CNTNAP2: variants seen among roughly 807,000 people sequenced by gnomAD.
The protein encoded by CNTNAP2 is contactin-associated protein-like 2.
Under a neutral mutation model 155.2 loss-of-function variants are expected in CNTNAP2, and 98 were observed. The ratio of observed to expected loss-of-function variants is 0.63; its 90% CI spans 0.54 to 0.75. CNTNAP2 has a LOEUF of 0.75. CNTNAP2 is among the 30% of genes least tolerant of loss of function. The pLI is 0.00. For missense variants in CNTNAP2, 1,727 were observed against 1,688.1 expected (o/e 1.02, Z -0.40); for synonymous variants, 651 against 631.2 (o/e 1.03, Z -0.47).
At chr7:147,291,217 T>C (rs1805302128) in intron 8 of CNTNAP2, among the ~76,000 whole-genome samples, 1 of 152,024 alleles carries the variant, frequency 6.6e-6, no homozygotes, top group African/African-American at 2.4e-5. Flanking sequence ...GTTTGTTATA[T>C]AGCTATACAT....
chr7:146,298,155 AGAC>A (rs1800546080), intron 1 of CNTNAP2, among the ~76,000 whole-genome samples: 1 of 152,192 alleles, frequency 6.6e-6, no homozygotes, highest in Non-Finnish European at 1.5e-5. Flanking sequence ...CAAGAGAAAA[AGAC>A]AGTCTGGGAC....
At chr7:147,824,559 G>T (rs1427579363) in intron 13 of CNTNAP2, among the ~76,000 whole-genome samples, 1 of 152,096 alleles carries the variant, frequency 6.6e-6, no homozygotes, top group Non-Finnish European at 1.5e-5. Flanking sequence ...GTTTTGGCAT[G>T]TCTGTATCGC....
intron 12 of CNTNAP2, among the ~76,000 whole-genome samples, chr7:147,605,503 G>C (rs751313691): frequency 6.6e-6 from 1 of 152,134 alleles, no homozygotes; most frequent in African/African-American, 2.4e-5. Flanking sequence ...TTGTCATGCA[G>C]ATAAAGTCTC....
rs1322093671 is a variant in CNTNAP2, at chr7:146,822,549, T to C, written c.209-17162T>C. Among the ~76,000 whole-genome samples, 4 of 151,208 alleles carry C rather than the reference T, an allele frequency of 2.6e-5. No homozygotes were observed. In the East Asian group the frequency reaches 7.8e-4, roughly 29 times the overall value. ...CTGTTTTTAATAATGCTCGTTGTTT[T>C]GTTCCTACAGTGTCTGAGTATTAAG... On this transcript the variant is annotated intron_variant, in intron 2 of 23. Transcript: ENST00000361727.
chr7:146,452,159 G>A (rs554330048), intron 1 of CNTNAP2, among the ~76,000 whole-genome samples: 13 of 151,728 alleles, frequency 8.6e-5, no homozygotes, highest in African/African-American at 2.7e-4. Context: ...CACCCACCTC[G>A]GCCTCCCAAA....
intron 1 of CNTNAP2, among the ~76,000 whole-genome samples, chr7:146,705,296 C>A (rs1231940956): frequency 2.0e-5 from 3 of 152,112 alleles, no homozygotes; most frequent in African/African-American, 7.2e-5. Context: ...GTATTTCTCA[C>A]AATCCTGATA....
At chr7:147,394,316 C>T (rs1384636826) in intron 9 of CNTNAP2, among the ~76,000 whole-genome samples, 4 of 151,880 alleles carry the variant, frequency 2.6e-5, no homozygotes, top group Non-Finnish European at 4.4e-5. Flanking sequence ...TATAAATTAC[C>T]CAGTCTTGGC....
intron 1 of CNTNAP2, among the ~76,000 whole-genome samples, chr7:146,360,798 C>A (rs10487937): frequency 0.14 from 22,025 of 152,048 alleles, 4,078 homozygotes; most frequent in African/African-American, 0.43. Flanking sequence ...GGATATTCTC[C>A]AGGTGTTTTT....
intron 1 of CNTNAP2, among the ~76,000 whole-genome samples, chr7:146,502,702 C>T (rs1797323522): frequency 6.6e-6 from 1 of 152,134 alleles, no homozygotes; most frequent in Admixed American, 6.6e-5. Context: ...ACCTCTCCCT[C>T]CCAGGTTCAA....
chr7:146,849,961 AG>A (rs1794840252), intron 3 of CNTNAP2, among the ~76,000 whole-genome samples: 1 of 152,204 alleles, frequency 6.6e-6, no homozygotes, highest in Non-Finnish European at 1.5e-5. Flanking sequence ...GACACCGTGA[AG>A]ATACCCATTC....
rs546705365 is a variant in CNTNAP2, at chr7:146,345,853, G to A, written c.97+228880G>A. On this transcript the variant is annotated intron_variant, in intron 1 of 23. Transcript: ENST00000361727. ...GAGGCAGAGGAGCAGGGCAAGAAAC[G>A]GTATGTAAGACACGAACTAGTCACT... is the stretch of plus-strand genomic sequence containing the variant. 1.4e-4 allele frequency among the ~76,000 whole-genome samples: 21 copies of A among 152,192 alleles called. 1 individual carries two copies. The South Asian group carries it at 3.5e-3, about 26-fold the overall frequency.
rs1799256891 is a variant in CNTNAP2 at position 146,224,365 on chromosome 7, G to A, written c.97+107392G>A. On this transcript the variant is annotated intron_variant, in intron 1 of 23. Coordinates refer to ENST00000361727, the MANE Select transcript of CNTNAP2 (RefSeq NM_014141.6). ...TGTAATACAATAGCGATTATGACATGTTGTCCCAAACCCTAATTTTGTTGT... is the reference window on the plus strand; with the variant it reads ...TGTAATACAATAGCGATTATGACATATTGTCCCAAACCCTAATTTTGTTGT... Among the ~76,000 whole-genome samples the A allele has an allele frequency of 2.0e-5, 3 of 150,890 alleles. No individual in the cohort carries two copies. The Admixed American group carries it at 2.0e-4, about 10-fold the overall frequency.
chr7:147,043,259 G>GA (rs1318369658), intron 3 of CNTNAP2, among the ~76,000 whole-genome samples: 1 of 150,244 alleles, frequency 6.7e-6, no homozygotes, highest in African/African-American at 2.4e-5. Context: ...CCGCTGAGAG[G>GA]AAAAAAATAA....
intron 3 of CNTNAP2, among the ~76,000 whole-genome samples, chr7:147,024,165 T>C (rs1325401497): frequency 6.6e-6 from 1 of 152,226 alleles, no homozygotes; most frequent in Non-Finnish European, 1.5e-5. Context: ...TAGTGAGGAC[T>C]AAATTCAAAA....
chr7:146,956,426 T>A (rs1035959036), intron 3 of CNTNAP2, among the ~76,000 whole-genome samples: 1 of 152,202 alleles, frequency 6.6e-6, no homozygotes, highest in Admixed American at 6.5e-5. Flanking sequence ...AATCTGAGCA[T>A]GTCCTGTAGG....
intron 4 of CNTNAP2, chr7:147,085,925 G>A (rs930705314): frequency 2.6e-5 from 4 of 152,176 alleles, no homozygotes; most frequent in African/African-American, 9.7e-5. Context: ...ACACGCACAC[G>A]AAAGCTCTGT....
chr7:146,297,188 T>C (rs1467841570), intron 1 of CNTNAP2, among the ~76,000 whole-genome samples: 1 of 152,132 alleles, frequency 6.6e-6, no homozygotes, highest in African/African-American at 2.4e-5. Flanking sequence ...AGATGATATA[T>C]AGAAAAACAA....
At chr7:147,589,624 A>T (rs1299994160) in intron 12 of CNTNAP2, among the ~76,000 whole-genome samples, 1 of 152,160 alleles carries the variant, frequency 6.6e-6, no homozygotes, top group East Asian at 1.9e-4. Flanking sequence ...AACATGACAT[A>T]ATATTGCCAA....
chr7:146,284,738 A>G (rs1373818667), intron 1 of CNTNAP2, among the ~76,000 whole-genome samples: 1 of 152,244 alleles, frequency 6.6e-6, no homozygotes, highest in Non-Finnish European at 1.5e-5. Context: ...GGATGATCAA[A>G]GCATGCAGTG....
Sources: allele counts gnomAD v4.1 joint callset (sites outside exome capture counted in the v4.1 genomes callset), GRCh38; gene constraint gnomAD v4.1.1; transcripts MANE v1.5; gene names NCBI Gene and HGNC (gene_info 2026-07-23, HGNC 2026-07-21).